Variants in CKAP2L observed in about 807,000 individuals in gnomAD.
CKAP2L encodes the protein cytoskeleton associated protein 2L.
A neutral mutation model predicts 65.7 loss-of-function variants in CKAP2L; 42 were observed. The ratio of observed to expected loss-of-function variants is 0.64; its 90% CI spans 0.50 to 0.83. The LOEUF (loss-of-function observed/expected upper bound fraction) is 0.83. Among genes scored for constraint, CKAP2L ranks in the 40% least tolerant of loss-of-function variants. CKAP2L has a pLI of 0.00. For synonymous variants in CKAP2L, 325 were observed against 313.5 expected, an observed-to-expected ratio of 1.04 and a Z score of -0.39; for missense variants, 908 against 871.0, an observed-to-expected ratio of 1.04 and a Z score of -0.53.
chr2:112,751,785 G>A (rs1003957947), intron 5 of CKAP2L, among the ~76,000 whole-genome samples: 10 of 151,762 alleles, frequency 6.6e-5, no homozygotes, highest in Non-Finnish European at 1.3e-4. Context: ...CATACTCTTT[G>A]CCTACCATCT....
At chr2:112,760,374 A>G (rs1680681386) in intron 3 of CKAP2L, among the ~76,000 whole-genome samples, 1 of 152,174 alleles carries the variant, frequency 6.6e-6, no homozygotes, top group East Asian at 1.9e-4. Context: ...GCTTATCTGT[A>G]AAGTGGGGCT....
chr2:112,751,945 A>T (rs1488356514), intron 5 of CKAP2L, among the ~76,000 whole-genome samples: 2 of 152,176 alleles, frequency 1.3e-5, no homozygotes, highest in Admixed American at 1.3e-4. Flanking sequence ...TTGATACCCA[A>T]AGAAAGCAAA....
At chr2:112,763,014 G>A (rs1403756449) in intron 1 of CKAP2L, among the ~76,000 whole-genome samples, 1 of 152,164 alleles carries the variant, frequency 6.6e-6, no homozygotes, top group Non-Finnish European at 1.5e-5. Flanking sequence ...TCAAATTCCT[G>A]AGCTCAAGTG....
intron 8 of CKAP2L, among the ~76,000 whole-genome samples, chr2:112,739,782 G>A (rs986094290): frequency 6.6e-6 from 1 of 152,144 alleles, no homozygotes; most frequent in African/African-American, 2.4e-5. Context: ...AGCCTTTCAA[G>A]CTGGTGGGAG....
chr2:112,744,254 A>T (rs1006483626), intron 6 of CKAP2L, among the ~76,000 whole-genome samples: 8 of 152,254 alleles, frequency 5.3e-5, no homozygotes, highest in African/African-American at 1.9e-4. Flanking sequence ...ACCACAAAAC[A>T]TAGGAGAGAA....
At chr2:112,742,376 A>G (rs1680037201) in intron 7 of CKAP2L, 1 of 717,300 alleles carries the variant, frequency 1.4e-6, no homozygotes. Flanking sequence ...TTATGATTAA[A>G]CATGTAACTT....
intron 5 of CKAP2L, among the ~76,000 whole-genome samples, chr2:112,747,787 TA>T (rs1680249840): frequency 6.6e-6 from 1 of 152,308 alleles, no homozygotes; most frequent in African/African-American, 2.4e-5. Context: ...GAAAGAGGCA[TA>T]AAACTCAACA....
In CKAP2L at chr2:112,762,571, T is replaced by G; in HGVS notation, c.38-2A>C. ...CCTGAAGCTTTCTCTGCCGCTCTTC[T>G]GCAACACAGGCAAGCAAACAAACGA... On this transcript the variant is annotated splice_acceptor_variant, in intron 1 of 8. Transcript: ENST00000302450. LOFTEE classifies it high-confidence loss of function. 1 of 1,612,866 alleles carries G rather than the reference T, an allele frequency of 6.2e-7. No homozygotes were observed. Among genetic ancestry groups the G allele is most frequent in the Non-Finnish European group, 8.5e-7 (1 of 1,178,826 alleles).
intron 8 of CKAP2L, 25 bp downstream of exon 8, chr2:112,740,793 A>G: frequency 1.3e-6 from 2 of 1,573,826 alleles, no homozygotes; most frequent in South Asian, 2.3e-5. Context: ...CTGTGAACAC[A>G]AAGTCTGCTT....
intron 5 of CKAP2L, among the ~76,000 whole-genome samples, chr2:112,750,389 G>C (rs186005222): frequency 1.3e-5 from 2 of 152,186 alleles, no homozygotes; most frequent in South Asian, 2.1e-4. Context: ...TTGTCCGCCC[G>C]AGGCAGCCAT....
chr2:112,752,387 CT>C lies in CKAP2L; in HGVS notation c.1481del (p.Lys494ArgfsTer3), dbSNP rs1680398623. The C allele has an allele frequency of 1.9e-6, 3 of 1,611,370 alleles. No individual in the cohort carries two copies. The highest frequency in any genetic ancestry group is 2.5e-6 in the Non-Finnish European group (3 of 1,177,886). On this transcript the variant is annotated frameshift_variant, in exon 5 of 9. Transcript: ENST00000302450. LOFTEE classifies it high-confidence loss of function. ...MELKTKRKVI[K>X]EMNISFWKSI... ...TCTTCCAGAATGAAATATTCATTTC[CT>C]TTATTACTTTTCTTTTTGTTTTAAG... is the stretch of plus-strand genomic sequence containing the variant.
rs760327007 is a variant in CKAP2L at position 112,746,398 on chromosome 2, C to CA, written c.1758+21_1758+22insT. On this transcript the variant is annotated intron_variant, in intron 6 of 8. Coordinates refer to ENST00000302450, the MANE Select transcript of CKAP2L (RefSeq NM_152515.5). ...CATGAAAGAGAATTTTAAGAAGTTACCCACCCAAGACAGATACTCACTGTT... is the reference window on the plus strand; with the variant it reads ...CATGAAAGAGAATTTTAAGAAGTTACACCACCCAAGACAGATACTCACTGTT... 3.5e-5 allele frequency: 55 copies of CA among 1,556,446 alleles called. No homozygotes were observed. In the African/African-American group the frequency reaches 7.1e-4, roughly 20 times the overall value.
chr2:112,747,753 C>T (rs1680248449), intron 5 of CKAP2L, among the ~76,000 whole-genome samples: 1 of 152,158 alleles, frequency 6.6e-6, no homozygotes, highest in South Asian at 2.1e-4. Flanking sequence ...GAATCACTAA[C>T]ATTTGAGAAA....
intron 5 of CKAP2L, among the ~76,000 whole-genome samples, chr2:112,751,668 C>T (rs1680376727): frequency 6.6e-6 from 1 of 152,076 alleles, no homozygotes; most frequent in Non-Finnish European, 1.5e-5. Context: ...TTCAACATTA[C>T]CAGCCAAAGG....
intron 4 of CKAP2L, among the ~76,000 whole-genome samples, chr2:112,755,590 AAG>A (rs1195230262): frequency 1.3e-5 from 2 of 152,108 alleles, no homozygotes; most frequent in Non-Finnish European, 2.9e-5. Context: ...TTTGCTTGAC[AAG>A]AGATTACCAT....
rs773890881 is a variant in CKAP2L, at chr2:112,738,699, T to G, written c.*124A>C. The G allele has an allele frequency of 2.1e-5, 14 of 655,526 alleles. No individual in the cohort carries two copies. The highest frequency in any genetic ancestry group is 3.7e-5 in the Non-Finnish European group (14 of 375,488). The allele number at this position is 655,526 out of a possible 1,614,324, so 40.6% of individuals were successfully genotyped here. On this transcript the variant is annotated 3_prime_UTR_variant, in exon 9 of 9. Transcript: ENST00000302450. Reference sequence around the variant, plus strand: ...TTGAGAGTAAGCCCAGTGAATTACTTAAGTCCTGAGCGTCCATAATCTGCA... The same window carrying G: ...TTGAGAGTAAGCCCAGTGAATTACTGAAGTCCTGAGCGTCCATAATCTGCA...
rs1270190655 is a variant in CKAP2L at position 112,737,790 on chromosome 2, G to A, written c.*1033C>T. ...CCTTGTTTCTTAGGACAGCCAACTG[G>A]TATATCCTTAGACAAACTCCTAATT... is the stretch of plus-strand genomic sequence containing the variant. On this transcript the variant is annotated 3_prime_UTR_variant, in exon 9 of 9. Coordinates refer to ENST00000302450, the MANE Select transcript of CKAP2L (RefSeq NM_152515.5). 1 of 152,038 alleles carries A rather than the reference G, an allele frequency of 6.6e-6. No individual in the cohort carries two copies. The highest frequency in any genetic ancestry group is 1.5e-5 in the Non-Finnish European group (1 of 68,022). The allele number at this position is 152,038 out of a possible 1,614,324, so 9.4% of individuals were successfully genotyped here.
chr2:112,756,740 T>A lies in CKAP2L; in HGVS notation c.631A>T (p.Thr211Ser), dbSNP rs1254665357. 1.3e-6 allele frequency: 2 copies of A among 1,599,120 alleles called. No individual in the cohort carries two copies. Among genetic ancestry groups the A allele is most frequent in the African/African-American group, 2.7e-5 (2 of 73,780 alleles). Residue 211 changes from threonine (T) to serine (S), a missense_variant, in exon 4 of 9, where the codon ACT becomes TCT. Physicochemically the swap from Thr to Ser is moderately conservative, Grantham distance 58 (BLOSUM62 1). Transcript: ENST00000302450. The part of the protein sequence containing the change: ...PKLYTRSKPK[T>S]DSYNQTKNSL... ...TTCTTGGTTTGATTATAAGAGTCAG[T>A]CTTTGGCTTACTTCTGGTATATAAT...
rs566499635 is a variant in CKAP2L, at chr2:112,757,144, A to G, written c.227T>C (p.Ile76Thr). 4.3e-6 allele frequency: 7 copies of G among 1,614,138 alleles called. No individual in the cohort carries two copies. In the South Asian group the frequency reaches 5.5e-5, roughly 13 times the overall value. ...LPVKPKRSISIKLQPRPPNTA... is the reference protein window; with the variant it reads ...LPVKPKRSISTKLQPRPPNTA... ...ATTAGGTGGTCTGGGCTGGAGTTTA[A>G]TGCTGATGGACCTTTTAGGTTTGAC... Residue 76 changes from isoleucine to threonine, a missense_variant, in exon 4 of 9, where the codon ATT becomes ACT. Physicochemically the swap from Ile to Thr is moderately conservative, Grantham distance 89. Transcript: ENST00000302450.
Sources: gnomAD v4.1 joint callset for allele counts (sites outside exome capture counted in the v4.1 genomes callset) on GRCh38, gnomAD v4.1.1 for gene constraint, MANE v1.5 for transcripts, NCBI Gene and HGNC (gene_info 2026-07-23, HGNC 2026-07-21) for gene names.